The following GLDC variants were observed in gnomAD, a reference collection of about 807,000 sequenced individuals.
The protein encoded by GLDC is glycine dehydrogenase (decarboxylating), mitochondrial.
Under a neutral mutation model 121.3 loss-of-function variants are expected in GLDC, and 104 were observed. The ratio of observed to expected loss-of-function variants is 0.86; its 90% CI spans 0.73 to 1.01. The LOEUF (loss-of-function observed/expected upper bound fraction) is 1.01. Among genes scored for constraint, GLDC ranks in the 50% least tolerant of loss-of-function variants. The pLI, the probability that GLDC is intolerant of heterozygous loss-of-function variation, is 0.00. For synonymous variants in GLDC, 546 were observed against 480.6 expected, an observed-to-expected ratio of 1.14 and a Z score of -1.78; for missense variants, 1,429 against 1,306.6, an observed-to-expected ratio of 1.09 and a Z score of -1.44.
At chr9:6,559,762 C>G (rs1817712999) in intron 16 of GLDC, among the ~76,000 whole-genome samples, 1 of 151,832 alleles carries the variant, frequency 6.6e-6, no homozygotes, top group African/African-American at 2.4e-5. Flanking sequence ...TTGCAGCGAG[C>G]CGAGATCGCG....
chr9:6,583,435 G>A (rs1818209291), intron 15 of GLDC, among the ~76,000 whole-genome samples: 1 of 152,182 alleles, frequency 6.6e-6, no homozygotes, highest in Non-Finnish European at 1.5e-5. Flanking sequence ...AGGACTTTGG[G>A]AGGCCAAGGC....
chr9:6,571,421 C>T (rs1323147098), intron 15 of GLDC, among the ~76,000 whole-genome samples: 1 of 152,158 alleles, frequency 6.6e-6, no homozygotes, highest in Non-Finnish European at 1.5e-5. Context: ...AACAATTACA[C>T]CACCATACCA....
At position 6,553,483 on chromosome 9, in the gene GLDC, G is replaced by C; in HGVS notation, c.2342C>G (p.Pro781Arg). Residue 781 changes from proline (P) to arginine (R), a missense_variant, in exon 20 of 25, where the codon CCC (proline) becomes CGC (arginine). Pro to Arg is a moderately radical substitution (Grantham distance 103). Coordinates refer to ENST00000321612, the MANE Select transcript of GLDC (RefSeq NM_000170.3). ...CTTTAGTGAAATGACGGGATGATTG[G>C]GCAAAAACGGGGCGAGATGTTTCTT... is the stretch of plus-strand genomic sequence containing the variant. ...GVKKHLAPFL[P>R]NHPVISLKRN... The C allele has an allele frequency of 6.2e-7, 1 of 1,613,560 alleles. No homozygotes were observed. The highest frequency in any genetic ancestry group is 8.5e-7 in the Non-Finnish European group (1 of 1,179,866).
At chr9:6,533,349 C>T (rs1384053744) in intron 24 of GLDC, among the ~76,000 whole-genome samples, 189 bp from the exon 25 acceptor site, 1 of 152,170 alleles carries the variant, frequency 6.6e-6, no homozygotes, top group African/African-American at 2.4e-5. Flanking sequence ...TGTCCCTGAT[C>T]ACCACCCCTG....
chr9:6,642,477 G>A (rs1210242618), intron 2 of GLDC, among the ~76,000 whole-genome samples: 1 of 152,160 alleles, frequency 6.6e-6, no homozygotes, highest in East Asian at 1.9e-4. Flanking sequence ...GTTGTAGTGA[G>A]TAGAGATCAT....
At chr9:6,645,206 C>G in intron 1 of GLDC, 39 bp downstream of exon 1, 1 of 1,542,260 alleles carries the variant, frequency 6.5e-7, no homozygotes, top group South Asian at 1.2e-5. Context: ...CCGGGCAGGG[C>G]GGAGGGGAGG....
chr9:6,598,210 T>A (rs2129871553), intron 8 of GLDC, among the ~76,000 whole-genome samples: 1 of 152,058 alleles, frequency 6.6e-6, no homozygotes, highest in South Asian at 2.1e-4. Flanking sequence ...GTACTTTTTT[T>A]ATATAGACAG....
chr9:6,630,897 C>G (rs1403314123), intron 2 of GLDC, among the ~76,000 whole-genome samples: 1 of 152,216 alleles, frequency 6.6e-6, no homozygotes, highest in Non-Finnish European at 1.5e-5. Flanking sequence ...CTTACGCAGT[C>G]CATAGAGCCA....
At chr9:6,535,191 T>G (rs1817098696) in intron 23 of GLDC, among the ~76,000 whole-genome samples, 1 of 152,176 alleles carries the variant, frequency 6.6e-6, no homozygotes. Flanking sequence ...TGGCTCATTT[T>G]AAAATCTGAT....
chr9:6,576,665 C>A (rs1385930037), intron 15 of GLDC, among the ~76,000 whole-genome samples: 1 of 152,100 alleles, frequency 6.6e-6, no homozygotes, highest in African/African-American at 2.4e-5. Context: ...TGGAGTTTCA[C>A]TACGTTGGCC....
chr9:6,600,711 T>C (rs1181947107), intron 8 of GLDC, among the ~76,000 whole-genome samples: 1 of 149,864 alleles, frequency 6.7e-6, no homozygotes, highest in African/African-American at 2.4e-5. Context: ...AAAAAAGAGA[T>C]GCACTTAGAA....
At chr9:6,634,829 G>T (rs935219169) in intron 2 of GLDC, among the ~76,000 whole-genome samples, 1 of 151,832 alleles carries the variant, frequency 6.6e-6, no homozygotes, top group African/African-American at 2.4e-5. Context: ...TCCCTCTCCC[G>T]CTTCTCCCCC....
chr9:6,571,784 A>T (rs1817972424), intron 15 of GLDC, among the ~76,000 whole-genome samples: 1 of 152,238 alleles, frequency 6.6e-6, no homozygotes, highest in African/African-American at 2.4e-5. Context: ...ACCATGGGTA[A>T]CTGAAACTGC....
At chr9:6,534,561 T>G (rs937150641) in intron 24 of GLDC, 147 bp downstream of exon 24, 1 of 651,702 alleles carries the variant, frequency 1.5e-6, no homozygotes, top group African/African-American at 1.8e-5. Context: ...AGCCAATTTC[T>G]TTGCTCCTCA....
intron 8 of GLDC, among the ~76,000 whole-genome samples, chr9:6,601,906 C>T (rs188972427): frequency 1.3e-5 from 2 of 152,280 alleles, no homozygotes; most frequent in East Asian, 1.9e-4. Context: ...GCTGGGATTA[C>T]AGGCATGAGC....
rs149353176 is a variant in GLDC at position 6,552,423 on chromosome 9, C to A, written c.2457+945G>T. ...TTGATTCTGCTTACAAAGAAGCAGA[C>A]CTTTATTCTGATTGCTTGTGTTGTT... On this transcript the variant is annotated intron_variant, in intron 20 of 24. Transcript: ENST00000321612. 7.7e-3 allele frequency among the ~76,000 whole-genome samples: 1,167 copies of A among 152,266 alleles called. 10 individuals carry two copies. Among genetic ancestry groups the A allele is most frequent in the South Asian group, 0.016 (76 of 4,822 alleles).
At chr9:6,544,007 G>GA (rs1817330650) in intron 21 of GLDC, among the ~76,000 whole-genome samples, 1 of 152,098 alleles carries the variant, frequency 6.6e-6, no homozygotes, top group African/African-American at 2.4e-5. Flanking sequence ...AGTGTGCTGT[G>GA]AAAAAATAGG....
chr9:6,568,538 A>G (rs1022915782), intron 15 of GLDC, among the ~76,000 whole-genome samples: 1 of 152,110 alleles, frequency 6.6e-6, no homozygotes, highest in African/African-American at 2.4e-5. Flanking sequence ...GCACAGCTTA[A>G]ACTGTCCTAG....
chr9:6,568,237 C>G (rs1019104493), intron 15 of GLDC, among the ~76,000 whole-genome samples: 2 of 152,082 alleles, frequency 1.3e-5, no homozygotes, highest in African/African-American at 4.8e-5. Flanking sequence ...TAAAAATCAG[C>G]TATGTTTCAA....
Sources: allele counts gnomAD v4.1 joint callset (sites outside exome capture counted in the v4.1 genomes callset), GRCh38; gene constraint gnomAD v4.1.1; transcripts MANE v1.5; gene names NCBI Gene and HGNC (gene_info 2026-07-23, HGNC 2026-07-21).